Variants in CCDC150 observed in about 807,000 individuals in gnomAD.
CCDC150 encodes coiled-coil domain-containing protein 150.
Under a neutral mutation model 156.5 loss-of-function variants are expected in CCDC150, and 151 were observed. The observed-to-expected ratio is 0.97, with a 90% confidence interval of 0.85 to 1.10. The LOEUF (loss-of-function observed/expected upper bound fraction) is 1.10. Ranked by LOEUF, CCDC150 falls within the 50% of genes least tolerant of loss-of-function variation. CCDC150 has a pLI of 0.00. For missense variants in CCDC150, 1,312 were observed against 1,268.1 expected (o/e 1.03, Z -0.53); for synonymous variants, 452 against 429.4 (o/e 1.05, Z -0.65).
chr2:196,660,818 A>AT (rs1559221741), intron 5 of CCDC150, among the ~76,000 whole-genome samples: 1 of 152,128 alleles, frequency 6.6e-6, no homozygotes, highest in East Asian at 1.9e-4. Context: ...CAATATATCA[A>AT]TTTTTTTCTT....
At chr2:196,641,657 C>T (rs188992564) in intron 1 of CCDC150, among the ~76,000 whole-genome samples, 5 of 152,266 alleles carry the variant, frequency 3.3e-5, no homozygotes, top group African/African-American at 1.2e-4. Context: ...GAGTTTTGTT[C>T]GTACTGTTCT....
chr2:196,690,910 G>A (rs1343641125), intron 13 of CCDC150, among the ~76,000 whole-genome samples: 4 of 152,076 alleles, frequency 2.6e-5, no homozygotes, highest in East Asian at 1.9e-4. Flanking sequence ...AGTTTTTAAC[G>A]TGAAGGGATG....
At chr2:196,697,513 A>G (rs887866227) in intron 14 of CCDC150, among the ~76,000 whole-genome samples, 1 of 152,210 alleles carries the variant, frequency 6.6e-6, no homozygotes, top group Non-Finnish European at 1.5e-5. Context: ...AGACAGGAAT[A>G]TAATTCCCTG....
intron 21 of CCDC150, among the ~76,000 whole-genome samples, chr2:196,723,438 G>A (rs1225722453): frequency 6.6e-6 from 1 of 152,152 alleles, no homozygotes; most frequent in African/African-American, 2.4e-5. Flanking sequence ...AGAGGTTGCA[G>A]TGAGGTTGCA....
Position 196,656,621 on chromosome 2 carries a change from A to T in CCDC150, c.177-12A>T. On this transcript the variant is annotated splice_polypyrimidine_tract_variant and intron_variant, in intron 2 of 27. Coordinates refer to ENST00000389175, the MANE Select transcript of CCDC150 (RefSeq NM_001080539.2). ...CATTGCATAATATTGTTATATTGGG[A>T]TCTTTGTCCAGAGGCTATTTGGAAG... The T allele has an allele frequency of 6.4e-7, 1 of 1,574,706 alleles. No individual in the cohort carries two copies.
intron 15 of CCDC150, among the ~76,000 whole-genome samples, chr2:196,709,070 T>C (rs1696891428): frequency 6.6e-6 from 1 of 152,214 alleles, no homozygotes; most frequent in Non-Finnish European, 1.5e-5. Context: ...GTTGGGGAAG[T>C]TCTCCTGGAT....
rs956109548 is a variant in CCDC150 at position 196,646,485 on chromosome 2, T to A, written c.157T>A (p.Leu53Met). Residue 53 changes from leucine (L) to methionine (M), a missense_variant, in exon 2 of 28, where the codon TTG becomes ATG. Leu to Met is a conservative substitution (Grantham distance 15). Transcript: ENST00000389175. ...TTCACTGAGGGATGACCTAATAATG[T>A]TGGATTTTGGTGAAAAAAGGTAACA... Reference protein sequence around the residue: ...TSSLRDDLIMLDFGEKRGYLE... With the variant: ...TSSLRDDLIMMDFGEKRGYLE... 1.2e-5 allele frequency: 19 copies of A among 1,613,352 alleles called. No individual in the cohort carries two copies. Among genetic ancestry groups the A allele is most frequent in the Non-Finnish European group, 1.6e-5 (19 of 1,179,538 alleles).
intron 13 of CCDC150, among the ~76,000 whole-genome samples, chr2:196,689,004 T>C (rs1436815592): frequency 2.6e-4 from 40 of 152,000 alleles, no homozygotes; most frequent in South Asian, 1.9e-3. Context: ...AATAGGGAAT[T>C]CTTTCCCCAT....
intron 13 of CCDC150, among the ~76,000 whole-genome samples, chr2:196,678,680 A>G (rs1694646599): frequency 6.6e-6 from 1 of 152,204 alleles, no homozygotes. Context: ...AGGCAGGCAG[A>G]TCACTTGAGG....
chr2:196,685,019 A>G (rs1695043380), intron 13 of CCDC150, among the ~76,000 whole-genome samples: 1 of 151,974 alleles, frequency 6.6e-6, no homozygotes, highest in African/African-American at 2.4e-5. Context: ...TTGTAATTGC[A>G]GTGGTTTAAT....
At chr2:196,706,367 C>G (rs1047444904) in intron 15 of CCDC150, among the ~76,000 whole-genome samples, 28 of 152,286 alleles carry the variant, frequency 1.8e-4, no homozygotes, top group Admixed American at 5.2e-4. Flanking sequence ...GATTTTGTAT[C>G]CTGAGACTTT....
rs778151641 is a variant in CCDC150, at chr2:196,726,024, C to T, written c.2481C>T (p.Arg827=). Residue 827 remains arginine, a synonymous_variant, in exon 22 of 28, where the codon CGC becomes CGT. Transcript: ENST00000389175. ...TGGAAGCAGAATTGCATGCTGAACG[C>T]ATAGAAGCTCTAAGAAAGCAGTTTC... ...SKVEAELHAE[R]IEALRKQFQT... 5.0e-6 allele frequency: 8 copies of T among 1,609,146 alleles called. No homozygotes were observed. In the South Asian group the frequency reaches 7.8e-5, roughly 16 times the overall value.
At chr2:196,700,422 C>A (rs544726668) in intron 14 of CCDC150, among the ~76,000 whole-genome samples, 1 of 152,072 alleles carries the variant, frequency 6.6e-6, no homozygotes, top group South Asian at 2.1e-4. Context: ...TTAATGGTGC[C>A]CCTCATATAA....
rs373130325 is a variant in CCDC150, at chr2:196,653,976, G to T, written c.177-2657G>T. Among the ~76,000 whole-genome samples the T allele has an allele frequency of 3.9e-5, 6 of 152,222 alleles. No individual in the cohort carries two copies. The South Asian group carries it at 1.2e-3, about 32-fold the overall frequency. Reference sequence around the variant, plus strand: ...GGTGGAAGGCAAAGGGGGAGCAGGTGAAGAAGAAGAAGTGAGAGAGGAAGT... The same window carrying T: ...GGTGGAAGGCAAAGGGGGAGCAGGTTAAGAAGAAGAAGTGAGAGAGGAAGT... On this transcript the variant is annotated intron_variant, in intron 2 of 27. Coordinates refer to ENST00000389175, the MANE Select transcript of CCDC150 (RefSeq NM_001080539.2).
Position 196,726,012 on chromosome 2 carries a change from G to A in CCDC150, c.2469G>A (p.Leu823=), listed in dbSNP as rs35800917. 101 of 1,606,048 alleles carry A rather than the reference G, an allele frequency of 6.3e-5. No homozygotes were observed. The East Asian group carries it at 2.0e-3, about 32-fold the overall frequency. ...AAGAGTCCAAAGTGGAAGCAGAATT[G>A]CATGCTGAACGCATAGAAGCTCTAA... ...MTEESKVEAE[L]HAERIEALRK... Residue 823 remains leucine, a synonymous_variant, in exon 22 of 28, where the codon TTG becomes TTA. Transcript: ENST00000389175.
chr2:196,715,760 G>A (rs1025803922), intron 17 of CCDC150, among the ~76,000 whole-genome samples: 3 of 152,114 alleles, frequency 2.0e-5, no homozygotes, highest in African/African-American at 7.2e-5. Context: ...AAAACTTTTA[G>A]AAGAAAACAT....
intron 14 of CCDC150, among the ~76,000 whole-genome samples, chr2:196,699,392 G>C (rs1001364687): frequency 5.3e-5 from 8 of 152,136 alleles, no homozygotes; most frequent in African/African-American, 9.7e-5. Flanking sequence ...TATATTAAAG[G>C]TGTATGATTT....
At position 196,656,638 on chromosome 2, in the gene CCDC150, A is replaced by G. The variant is rs1457293925; in HGVS notation, c.182A>G (p.Tyr61Cys). 2.5e-6 allele frequency: 4 copies of G among 1,604,344 alleles called. No homozygotes were observed. Among genetic ancestry groups the G allele is most frequent in the South Asian group, 1.1e-5 (1 of 89,812 alleles). Reference protein sequence around the residue: ...IMLDFGEKRGYLEAPDCLEDL... With the variant: ...IMLDFGEKRGCLEAPDCLEDL... ...ATATTGGGATCTTTGTCCAGAGGCT[A>G]TTTGGAAGCTCCAGACTGTTTAGAA... The change falls in exon 3 of 28, where the codon TAT becomes TGT. Residue 61 changes from tyrosine to cysteine, a missense_variant. By Grantham distance (194) the Tyr-to-Cys change is radical. Transcript: ENST00000389175.
intron 2 of CCDC150, among the ~76,000 whole-genome samples, chr2:196,649,537 G>A (rs1298580661): frequency 6.6e-6 from 1 of 152,178 alleles, no homozygotes; most frequent in African/African-American, 2.4e-5. Flanking sequence ...CCTAGGTACG[G>A]AGAGGGCTAT....
Sources: gnomAD v4.1 joint callset for allele counts (sites outside exome capture counted in the v4.1 genomes callset) on GRCh38, gnomAD v4.1.1 for gene constraint, MANE v1.5 for transcripts, NCBI Gene and HGNC (gene_info 2026-07-23, HGNC 2026-07-21) for gene names.